The following TEAD1 variants were observed in gnomAD, a reference collection of about 807,000 sequenced individuals.
TEAD1 encodes transcriptional enhancer factor TEF-1.
A neutral mutation model predicts 54.9 loss-of-function variants in TEAD1; 9 were observed. That is an observed-to-expected ratio of 0.16 (90% CI 0.10 to 0.29). The LOEUF is 0.29. Ranked by LOEUF, TEAD1 falls within the 10% of genes least tolerant of loss-of-function variation. The pLI is 1.00. For synonymous variants in TEAD1, 200 were observed against 187.8 expected, an observed-to-expected ratio of 1.07 and a Z score of -0.53; for missense variants, 387 against 535.9, an observed-to-expected ratio of 0.72 and a Z score of 2.74.
intron 12 of TEAD1, 145 bp from the exon 13 acceptor site, chr11:12,936,964 C>G (rs1446664487): frequency 3.2e-6 from 2 of 626,454 alleles, no homozygotes; most frequent in East Asian, 5.8e-5. Context: ...TGTTCTGAAT[C>G]TGTGTTAGAG....
At chr11:12,706,831 C>A (rs1393585630) in intron 2 of TEAD1, among the ~76,000 whole-genome samples, 1 of 152,138 alleles carries the variant, frequency 6.6e-6, no homozygotes, top group Non-Finnish European at 1.5e-5. Flanking sequence ...GGGTGATAGT[C>A]ATATCCTCTC....
intron 2 of TEAD1, among the ~76,000 whole-genome samples, chr11:12,700,881 C>A (rs571499049): frequency 6.6e-6 from 1 of 152,178 alleles, no homozygotes; most frequent in African/African-American, 2.4e-5. Context: ...GTTTTGAGAA[C>A]GATCACAGTC....
At chr11:12,930,409 T>C (rs1948991925) in intron 12 of TEAD1, 83 bp downstream of exon 12, 2 of 1,552,008 alleles carry the variant, frequency 1.3e-6, no homozygotes, top group African/African-American at 2.7e-5. Context: ...TGGGAGGCGC[T>C]GGGCCTGCGC....
chr11:12,833,099 C>G (rs1261936555), intron 3 of TEAD1, among the ~76,000 whole-genome samples: 1 of 152,224 alleles, frequency 6.6e-6, no homozygotes, highest in Non-Finnish European at 1.5e-5. Flanking sequence ...TGTTAATTGA[C>G]AGAATGATTC....
At chr11:12,797,668 C>G (rs984977093) in intron 3 of TEAD1, among the ~76,000 whole-genome samples, 1 of 151,982 alleles carries the variant, frequency 6.6e-6, no homozygotes, top group Admixed American at 6.6e-5. Flanking sequence ...TTCCTCCACT[C>G]TGCCAATTTT....
chr11:12,807,577 G>GT (rs1235258558), intron 3 of TEAD1, among the ~76,000 whole-genome samples: 1 of 152,164 alleles, frequency 6.6e-6, no homozygotes, highest in African/African-American at 2.4e-5. Flanking sequence ...AAAAGTATAG[G>GT]TAAAGGGGTT....
intron 2 of TEAD1, among the ~76,000 whole-genome samples, chr11:12,732,869 A>G (rs1258456922): frequency 1.3e-5 from 2 of 152,238 alleles, no homozygotes; most frequent in Non-Finnish European, 2.9e-5. Context: ...CGAGATATAG[A>G]AAAAAGATTA....
chr11:12,739,201 T>A (rs1044994711), intron 2 of TEAD1, among the ~76,000 whole-genome samples: 3 of 140,936 alleles, frequency 2.1e-5, no homozygotes, highest in Non-Finnish European at 4.6e-5. Context: ...TCATTCTTTC[T>A]ATCTATCTAT....
chr11:12,826,935 G>A (rs1029974682), intron 3 of TEAD1, among the ~76,000 whole-genome samples: 13 of 152,206 alleles, frequency 8.5e-5, no homozygotes, highest in African/African-American at 2.9e-4. Context: ...CTTCAGACAT[G>A]ATTTCCTTTG....
chr11:12,852,469 A>G (rs2134052928), intron 3 of TEAD1, among the ~76,000 whole-genome samples: 1 of 143,722 alleles, frequency 7.0e-6, no homozygotes, highest in East Asian at 2.0e-4. Flanking sequence ...TTTTTTCGAG[A>G]CAGAGTCTCA....
chr11:12,709,383 T>C (rs1201766954), intron 2 of TEAD1, among the ~76,000 whole-genome samples: 1 of 152,176 alleles, frequency 6.6e-6, no homozygotes, highest in African/African-American at 2.4e-5. Context: ...TGTTTACTTT[T>C]TATAGTTTTG....
At chr11:12,798,796 C>T (rs994092560) in intron 3 of TEAD1, among the ~76,000 whole-genome samples, 8 of 152,234 alleles carry the variant, frequency 5.3e-5, no homozygotes, top group Non-Finnish European at 1.0e-4. Flanking sequence ...AAGGAGCATG[C>T]ATTTCTGTGG....
chr11:12,826,245 G>A (rs1333867270), intron 3 of TEAD1, among the ~76,000 whole-genome samples: 1 of 152,150 alleles, frequency 6.6e-6, no homozygotes, highest in East Asian at 1.9e-4. Context: ...TTCCTAGTTA[G>A]GTTGAACATA....
intron 2 of TEAD1, among the ~76,000 whole-genome samples, chr11:12,682,006 C>T (rs879482225): frequency 1.3e-4 from 20 of 152,216 alleles, no homozygotes; most frequent in Non-Finnish European, 2.8e-4. Context: ...GCCTGGGCAC[C>T]ACCTGTGTAG....
chr11:12,683,327 A>G (rs1363886490), intron 2 of TEAD1, among the ~76,000 whole-genome samples: 2 of 152,240 alleles, frequency 1.3e-5, no homozygotes, highest in Non-Finnish European at 2.9e-5. Context: ...ACACGTTTGC[A>G]TCTCTAGTCC....
chr11:12,714,234 G>C (rs999593095), intron 2 of TEAD1, among the ~76,000 whole-genome samples: 6 of 152,132 alleles, frequency 3.9e-5, no homozygotes, highest in African/African-American at 1.4e-4. Context: ...AGGGGCAGAA[G>C]CCTCCCAAGC....
intron 2 of TEAD1, among the ~76,000 whole-genome samples, chr11:12,677,529 G>A (rs964847041): frequency 2.0e-5 from 3 of 152,068 alleles, no homozygotes; most frequent in Non-Finnish European, 4.4e-5. Flanking sequence ...AAATGTTCGA[G>A]TTTTTTTCCC....
At chr11:12,857,549 C>A (rs1947413181) in intron 3 of TEAD1, among the ~76,000 whole-genome samples, 1 of 147,600 alleles carries the variant, frequency 6.8e-6, no homozygotes, top group Non-Finnish European at 1.5e-5. Context: ...ATCAGGTTTA[C>A]TGAATCAAGC....
At chr11:12,722,294 A>G (rs1444224589) in intron 2 of TEAD1, among the ~76,000 whole-genome samples, 1 of 152,146 alleles carries the variant, frequency 6.6e-6, no homozygotes, top group Non-Finnish European at 1.5e-5. Context: ...CAGTAAATGG[A>G]TGCTGTTCCT....
Sources: gnomAD v4.1 joint callset for allele counts (sites outside exome capture counted in the v4.1 genomes callset) on GRCh38, gnomAD v4.1.1 for gene constraint, MANE v1.5 for transcripts, NCBI Gene and HGNC (gene_info 2026-07-23, HGNC 2026-07-21) for gene names.